The following DVL2 variants were observed in gnomAD, a reference collection of about 807,000 sequenced individuals.
The protein encoded by DVL2 is segment polarity protein dishevelled homolog DVL-2.
A neutral mutation model predicts 69.8 loss-of-function variants in DVL2; 38 were observed. That is an observed-to-expected ratio of 0.54 (90% confidence interval 0.42 to 0.71). The LOEUF (loss-of-function observed/expected upper bound fraction) is 0.71, where lower values mean the gene tolerates loss of function less well. DVL2 is among the 30% of genes least tolerant of loss of function. The probability of loss-of-function intolerance (pLI) is 0.00; values close to 1 mark genes in which losing one functional copy is unlikely to be tolerated. For missense variants in DVL2, 931 were observed against 1,008.1 expected (o/e 0.92, Z 1.04); for synonymous variants, 428 against 392.4 (o/e 1.09, Z -1.07).
chr17:7,226,437 G>A lies in DVL2; in HGVS notation c.1746C>T (p.Ser582=), dbSNP rs1267394014. Residue 582 remains serine (S), a synonymous_variant, in exon 14 of 15, where the codon AGC becomes AGT. Transcript: ENST00000005340. ...SSYTYGGGSA[S]SQHSEGSRSS... ...ATGACTTACCCTCACTATGCTGGCT[G>A]CTGGCACTGCCCCCACCATAGGTGT... 1 of 1,536,370 alleles carries A rather than the reference G, an allele frequency of 6.5e-7. No homozygotes were observed. The highest frequency in any genetic ancestry group is 8.8e-7 in the Non-Finnish European group (1 of 1,142,186).
chr17:7,234,189 GTC>G lies in DVL2; in HGVS notation c.72_73del (p.Glu24AspfsTer50). The G allele has an allele frequency of 1.9e-6, 3 of 1,614,170 alleles. No individual in the cohort carries two copies. The highest frequency in any genetic ancestry group is 1.7e-6 in the Non-Finnish European group (2 of 1,180,012). ...GACAGGGATCTTCACCAGGTAGGGA[GTC>G]TCTTCCTCATCCAGGTGGTAAATCA... On this transcript the variant is annotated frameshift_variant, in exon 1 of 15. Transcript: ENST00000005340. LOFTEE classifies it high-confidence loss of function.
Position 7,226,551 on chromosome 17 carries a change from G to A in DVL2, c.1632C>T (p.Pro544=), listed in dbSNP as rs756324626. ...DTLAPLPGAT[P]WPLLPTFSYQ... ...AGGAGAAAGTGGGCAGCAGGGGCCA[G>A]GGGGTGGCCCCAGGCAGAGGAGCCA... The change falls in exon 14 of 15, where the codon CCC becomes CCT. Residue 544 remains proline, a synonymous_variant. Transcript: ENST00000005340. 5 of 1,607,540 alleles carry A rather than the reference G, an allele frequency of 3.1e-6. No homozygotes were observed. In the South Asian group the frequency reaches 5.5e-5, roughly 18 times the overall value.
chr17:7,232,076 G>A (rs73235872), intron 1 of DVL2, among the ~76,000 whole-genome samples: 2,659 of 152,192 alleles, frequency 0.017, 95 homozygotes, highest in African/African-American at 0.06. Flanking sequence ...GTGGTGGACC[G>A]GACTTGCCCC....
chr17:7,228,806 T>G, intron 9 of DVL2, 163 bp downstream of exon 9: 1 of 648,074 alleles, frequency 1.5e-6, no homozygotes, highest in Non-Finnish European at 2.7e-6. Flanking sequence ...GGTCTCGAAC[T>G]CCTCACCTCA....
intron 1 of DVL2, 66 bp downstream of exon 1, chr17:7,234,003 C>A: frequency 6.5e-7 from 1 of 1,542,464 alleles, no homozygotes; most frequent in Non-Finnish European, 8.9e-7. Context: ...TAGACGTGTG[C>A]CCCTCCATGT....
At position 7,227,121 on chromosome 17, in the gene DVL2, G is replaced by A. The variant is rs1447292472; in HGVS notation, c.1512C>T (p.Val504=). 11 of 1,613,512 alleles carry A rather than the reference G, an allele frequency of 6.8e-6. No individual in the cohort carries two copies. The highest frequency in any genetic ancestry group is 5.5e-5 in the South Asian group (5 of 91,044). Residue 504 remains valine (V), a synonymous_variant, in exon 13 of 15, where the codon GTC becomes GTT. Coordinates refer to ENST00000005340, the MANE Select transcript of DVL2 (RefSeq NM_004422.3). The part of the protein sequence containing the change: ...KITFSEQCYY[V]FGDLSGGCES... ...CACAGCCACCACTGAGGTCTCCGAA[G>A]ACGTAATAGCACTGCTCAGAGAAGG...
chr17:7,231,006 C>T (rs945366460), intron 1 of DVL2, among the ~76,000 whole-genome samples: 19 of 152,208 alleles, frequency 1.2e-4, no homozygotes, highest in Non-Finnish European at 2.5e-4. Context: ...CTCCCTAACG[C>T]ACCCTCAGGG....
chr17:7,227,257 A>G lies in DVL2; in HGVS notation c.1376T>C (p.Val459Ala), dbSNP rs777339829. 2 of 1,610,344 alleles carry G rather than the reference A, an allele frequency of 1.2e-6. No homozygotes were observed. The highest frequency in any genetic ancestry group is 2.2e-5 in the East Asian group (1 of 44,818). ...CTCCACGTGATGGTAGAGCCAGTCA[A>G]CCACATCCGAGCCTGGGAGCACCCA... ...IPNAFLGSDV[V>A]DWLYHHVEGF... is the part of the protein sequence containing the mutation. The change falls in exon 13 of 15, where the codon GTT (valine) becomes GCT (alanine). Residue 459 changes from valine to alanine, a missense_variant. Around this residue, in one of 3 missense-constraint regions of DVL2, gnomAD observed 62 missense variants for 105.7 expected, o/e 0.59. Transcript: ENST00000005340.
At chr17:7,233,087 C>CAAAAAAAAACAAAAAAA (rs2071568760) in intron 1 of DVL2, among the ~76,000 whole-genome samples, 1 of 36,284 alleles carries the variant, frequency 2.8e-5, no homozygotes, top group Non-Finnish European at 6.1e-5. Flanking sequence ...GAGACTGTCT[C>CAAAAAAAAACAAAAAAA]AAAAAAAAAA....
Position 7,234,298 on chromosome 17 carries a change from C to T in DVL2, c.-36G>A, listed in dbSNP as rs754999308. On this transcript the variant is annotated 5_prime_UTR_variant, in exon 1 of 15. In the 5' UTR this introduces an upstream ATG that the reference lacks. Transcript: ENST00000005340. ...GCGCGCTCCCGGGCTCCACCGCCCA[C>T]CCAAAGGGCTAATGGCCCCTGCCGC... 2 of 1,593,144 alleles carry T rather than the reference C, an allele frequency of 1.3e-6. No homozygotes were observed. Among genetic ancestry groups the T allele is most frequent in the East Asian group, 4.5e-5 (2 of 44,792 alleles).
At chr17:7,232,320 G>A (rs565329815) in intron 1 of DVL2, among the ~76,000 whole-genome samples, 95 of 152,278 alleles carry the variant, frequency 6.2e-4, no homozygotes, top group African/African-American at 2.2e-3. Context: ...ATGGTCATGG[G>A]AGCCAGGATA....
At chr17:7,231,970 G>A (rs2071550070) in intron 1 of DVL2, among the ~76,000 whole-genome samples, 1 of 151,542 alleles carries the variant, frequency 6.6e-6, no homozygotes, top group Non-Finnish European at 1.5e-5. Context: ...CCATTCCCCT[G>A]TGCCTCACTG....
intron 1 of DVL2, among the ~76,000 whole-genome samples, chr17:7,232,436 A>C (rs1011308788): frequency 1.1e-4 from 17 of 152,222 alleles, no homozygotes; most frequent in African/African-American, 4.1e-4. Context: ...CAATCTCAGC[A>C]CAGCTTGGTC....
Position 7,234,429 on chromosome 17 carries a change from G to C in DVL2, c.-167C>G. 1.3e-6 allele frequency: 1 copy of C among 795,232 alleles called. No homozygotes were observed. The allele number at this position is 795,232 out of a possible 1,614,324, so 49.3% of individuals were successfully genotyped here. Reference sequence around the variant, plus strand: ...CGGATCTGCGAGGGTGGCGGCGGGGGGCGGGCCGCGGGGTGCGACTCAAAG... The same window carrying C: ...CGGATCTGCGAGGGTGGCGGCGGGGCGCGGGCCGCGGGGTGCGACTCAAAG... On this transcript the variant is annotated 5_prime_UTR_variant, in exon 1 of 15. Transcript: ENST00000005340.
rs927124244 is a variant in DVL2 at position 7,226,820 on chromosome 17, A to G, written c.1544-181T>C. On this transcript the variant is annotated intron_variant, in intron 13 of 14. Transcript: ENST00000005340. ...CTACTTCTGCCATGAGGGCAGGGGC[A>G]CAGCCACTAGCCCACGTCTTTGCGG... The G allele has an allele frequency of 8.6e-5, 55 of 639,380 alleles. No homozygotes were observed. The Middle Eastern group carries it at 2.1e-3, about 25-fold the overall frequency. The allele number at this position is 639,380 out of a possible 1,614,324, so 39.6% of individuals were successfully genotyped here. A position where few individuals can be genotyped will look rare whatever the true frequency, so the allele number is the denominator to read the frequency against.
chr17:7,229,002 A>T lies in DVL2; in HGVS notation c.1001T>A (p.Val334Glu). 1 of 1,614,166 alleles carries T rather than the reference A, an allele frequency of 6.2e-7. No individual in the cohort carries two copies. The highest frequency in any genetic ancestry group is 8.5e-7 in the Non-Finnish European group (1 of 1,180,024). Reference protein sequence around the residue: ...NFENMSNDDAVRVLRDIVHKP... With the variant: ...NFENMSNDDAERVLRDIVHKP... ...GTGCACAATGTCCCTCAGCACCCGC[A>T]CAGCGTCATCGTTGCTCATGTTCTC... is the stretch of plus-strand genomic sequence containing the variant. The change falls in exon 9 of 15, where the codon GTG (valine) becomes GAG (glutamate). Residue 334 changes from valine (V) to glutamate (E), a missense_variant. By Grantham distance (121) the Val-to-Glu change is moderately radical. Transcript: ENST00000005340. The surrounding 1 kb of genome is among the most constrained non-coding windows in gnomAD (Gnocchi z 4.4).
At position 7,229,893 on chromosome 17, in the gene DVL2, C is replaced by CGGCCA; in HGVS notation, c.566_570dup (p.Gly191TrpfsTer11). 1 of 1,610,492 alleles carries CGGCCA rather than the reference C, an allele frequency of 6.2e-7. No individual in the cohort carries two copies. The highest frequency in any genetic ancestry group is 8.5e-7 in the Non-Finnish European group (1 of 1,179,936). On this transcript the variant is annotated frameshift_variant, in exon 5 of 15. Transcript: ENST00000005340. LOFTEE classifies it high-confidence loss of function. The surrounding 1 kb of genome is among the most constrained non-coding windows in gnomAD (Gnocchi z 4.4). The stretch of plus-strand genomic sequence containing the variant: ...ATGAGGGTAGAGGAGCTCTCGTATC[C>CGGCCA]GGCCAGGTGGCGCTCCAGCCTTGAG...
Position 7,229,433 on chromosome 17 carries a change from G to A in DVL2, c.762C>T (p.Ser254=). 1 of 1,614,076 alleles carries A rather than the reference G, an allele frequency of 6.2e-7. No homozygotes were observed. The highest frequency in any genetic ancestry group is 8.5e-7 in the Non-Finnish European group (1 of 1,180,042). Residue 254 remains serine, a synonymous_variant, in exon 7 of 15, where the codon AGC becomes AGT. Transcript: ENST00000005340. This position sits in a 1 kb window ranked among gnomAD's most constrained non-coding sequence, Gnocchi z 4.4. ...GAGACATTGTGGAATCTGTGACGCTGCTGAAGGATGACGTCTGTGGTGGGA... is the reference window on the plus strand; with the variant it reads ...GAGACATTGTGGAATCTGTGACGCTACTGAAGGATGACGTCTGTGGTGGGA... ...PPRLERTSSF[S]SVTDSTMSLN... is the part of the protein sequence containing the mutation.
At position 7,225,788 on chromosome 17, in the gene DVL2, G is replaced by GT. The variant is rs2071434534; in HGVS notation, c.*76dup. On this transcript the variant is annotated 3_prime_UTR_variant, in exon 15 of 15. Transcript: ENST00000005340. Reference sequence around the variant, plus strand: ...AGCTGGTAGGCTGAGCCCAGGCACTGTAAGAGCAAGCACATGACGGCCAGG... The same window carrying GT: ...AGCTGGTAGGCTGAGCCCAGGCACTGTTAAGAGCAAGCACATGACGGCCAGG... 7.5e-6 allele frequency: 10 copies of GT among 1,324,642 alleles called. No homozygotes were observed. In the South Asian group the frequency reaches 9.5e-5, roughly 13 times the overall value. The allele number at this position is 1,324,642 out of a possible 1,614,324, so 82.1% of individuals were successfully genotyped here. A position where few individuals can be genotyped will look rare whatever the true frequency, so the allele number is the denominator to read the frequency against.
Sources: allele counts gnomAD v4.1 joint callset (sites outside exome capture counted in the v4.1 genomes callset), GRCh38; gene constraint gnomAD v4.1.1; regional missense constraint gnomAD v4.1.1; non-coding constraint Gnocchi (gnomAD v3.1); transcripts MANE v1.5; gene names NCBI Gene and HGNC (gene_info 2026-07-23, HGNC 2026-07-21).